Variants in PLEKHM1 observed in about 807,000 individuals in gnomAD.
PLEKHM1 encodes the protein pleckstrin homology and RUN domain containing M1.
A neutral mutation model predicts 94.3 loss-of-function variants in PLEKHM1; 28 were observed. The observed-to-expected ratio is 0.30, with a 90% CI of 0.22 to 0.41. The LOEUF is 0.41. PLEKHM1 is among the 10% of genes least tolerant of loss of function. The probability of loss-of-function intolerance (pLI) is 1.00; values close to 1 mark genes in which losing one functional copy is unlikely to be tolerated. For synonymous variants in PLEKHM1, 424 were observed against 581.2 expected, an observed-to-expected ratio of 0.73 and a Z score of 3.89; for missense variants, 907 against 1,358.6, an observed-to-expected ratio of 0.67 and a Z score of 5.22.
chr17:45,477,910 C>T lies in PLEKHM1; in HGVS notation c.286G>A (p.Val96Ile). 1 of 1,614,008 alleles carries T rather than the reference C, an allele frequency of 6.2e-7. No homozygotes were observed. Among genetic ancestry groups the T allele is most frequent in the Non-Finnish European group, 8.5e-7 (1 of 1,179,978 alleles). ...CCAGCTAAATCTCACTTGTGGGTGA[C>T]AGCTTTCAGGAGGGGCCAGAAGACA... ...QPVFWPLLKA[V>I]THKHIISELE... The change falls in exon 3 of 12, where the codon GTC (valine) becomes ATC (isoleucine). Residue 96 changes from valine (V) to isoleucine (I), a missense_variant. Around this residue, in one of 3 missense-constraint regions of PLEKHM1, gnomAD observed 176 missense variants for 306.0 expected, o/e 0.58. Transcript: ENST00000430334.
At chr17:45,452,227 G>C (rs908037434) in intron 7 of PLEKHM1, among the ~76,000 whole-genome samples, 28 of 151,638 alleles carry the variant, frequency 1.8e-4, no homozygotes, top group Admixed American at 1.4e-3. Context: ...TAAGACCCTA[G>C]AGGGATGCCC....
intron 6 of PLEKHM1, among the ~76,000 whole-genome samples, chr17:45,455,702 C>T (rs377448984): frequency 1.5e-4 from 23 of 152,284 alleles, no homozygotes; most frequent in Middle Eastern, 3.4e-3. Flanking sequence ...CCGGAATCCC[C>T]GCCTCTCCCC....
At chr17:45,483,982 A>G (rs1276909733) in intron 1 of PLEKHM1, among the ~76,000 whole-genome samples, 1 of 152,242 alleles carries the variant, frequency 6.6e-6, no homozygotes, top group Non-Finnish European at 1.5e-5. Flanking sequence ...AGTTCAGGCC[A>G]TGACACGAAG....
Position 45,468,252 on chromosome 17 carries a change from T to C in PLEKHM1, c.1265A>G (p.Asp422Gly), listed in dbSNP as rs755214534. The change falls in exon 5 of 12, where the codon GAC (aspartate) becomes GGC (glycine). Residue 422 changes from aspartate to glycine, a missense_variant. Physicochemically the swap from Asp to Gly is moderately conservative, Grantham distance 94. Around this residue, in one of 3 missense-constraint regions of PLEKHM1, gnomAD observed 477 missense variants for 601.5 expected, o/e 0.79. Coordinates refer to ENST00000430334, the MANE Select transcript of PLEKHM1 (RefSeq NM_014798.3). ...AACTACCAGCTTCAGACCAGCTCCG[T>C]CATGAGCCTGGGCCTTCTGCAGGCC... Reference protein sequence around the residue: ...GNGLQKAQAHDGAGLKLVVSS... With the variant: ...GNGLQKAQAHGGAGLKLVVSS... 1.9e-6 allele frequency: 3 copies of C among 1,613,096 alleles called. No homozygotes were observed. Among genetic ancestry groups the C allele is most frequent in the Admixed American group, 3.3e-5 (2 of 59,950 alleles).
At position 45,450,721 on chromosome 17, in the gene PLEKHM1, A is replaced by G; in HGVS notation, c.2540T>C (p.Leu847Pro). The change falls in exon 8 of 12, where the codon CTC (leucine) becomes CCC (proline). Residue 847 changes from leucine to proline, a missense_variant. This residue lies in a region of PLEKHM1 where 254 missense variants were observed against 451.1 expected (regional missense o/e 0.56). Coordinates refer to ENST00000430334, the MANE Select transcript of PLEKHM1 (RefSeq NM_014798.3). ...GTAATAGAGGCCAGAGAAGGCACAG[A>G]GCTTGGGTCGTACAAAGGAGAAGCC... ...QIGFSFVRPK[L>P]CAFSGLYYCD... 6.3e-7 allele frequency: 1 copy of G among 1,594,822 alleles called. No homozygotes were observed. Among genetic ancestry groups the G allele is most frequent in the Middle Eastern group, 2.1e-4 (1 of 4,750 alleles).
chr17:45,434,930 C>T (rs1457780402), downstream of PLEKHM1, among the ~76,000 whole-genome samples: 4 of 139,832 alleles, frequency 2.9e-5, no homozygotes, highest in African/African-American at 1.1e-4. Flanking sequence ...GATCACGCCA[C>T]TGCACTCCAG....
intron 6 of PLEKHM1, among the ~76,000 whole-genome samples, chr17:45,457,129 C>T (rs1208631903): frequency 6.7e-6 from 1 of 149,778 alleles, no homozygotes; most frequent in Admixed American, 6.7e-5. Flanking sequence ...TGAGATTATA[C>T]CACTGTACTC....
chr17:45,449,982 CACCT>C (rs956857491), intron 8 of PLEKHM1, among the ~76,000 whole-genome samples: 2 of 151,916 alleles, frequency 1.3e-5, no homozygotes, highest in Admixed American at 1.3e-4. Context: ...CCTGCTCATT[CACCT>C]ACCTACCTAC....
chr17:45,453,833 G>C lies in PLEKHM1; in HGVS notation c.2019C>G (p.Asp673Glu). ...GCTCTGGAACCTGGGCGGACGACCAGTCAAACTGTGTGCCCTGGAGGGCCG... is the reference window on the plus strand; with the variant it reads ...GCTCTGGAACCTGGGCGGACGACCACTCAAACTGTGTGCCCTGGAGGGCCG... ...EPAALQGTQF[D>E]WSSAQVPEPD... The change falls in exon 7 of 12, where the codon GAC becomes GAG. Residue 673 changes from aspartate (D) to glutamate (E), a missense_variant. By Grantham distance (45) the Asp-to-Glu change is conservative (BLOSUM62 2). This residue lies in a region of PLEKHM1 where 477 missense variants were observed against 601.5 expected (regional missense o/e 0.79). Coordinates refer to ENST00000430334, the MANE Select transcript of PLEKHM1 (RefSeq NM_014798.3). This position sits in a 1 kb window ranked among gnomAD's most constrained non-coding sequence, Gnocchi z 4.1. 1 of 1,614,004 alleles carries C rather than the reference G, an allele frequency of 6.2e-7. No individual in the cohort carries two copies. Among genetic ancestry groups the C allele is most frequent in the Middle Eastern group, 1.7e-4 (1 of 6,056 alleles).
chr17:45,438,066 C>G (rs1349516602), intron 11 of PLEKHM1, 97 bp from the exon 12 acceptor site: 1 of 837,138 alleles, frequency 1.2e-6, no homozygotes, highest in African/African-American at 1.7e-5. Context: ...CACGATACGG[C>G]TGTGATGTAC....
chr17:45,475,954 C>G, intron 3 of PLEKHM1: 1 of 611,482 alleles, frequency 1.6e-6, no homozygotes, highest in South Asian at 1.9e-5. Flanking sequence ...TCGTGACCAG[C>G]CTGGGCAACA....
intron 6 of PLEKHM1, chr17:45,454,757 T>G: frequency 3.9e-6 from 1 of 257,950 alleles, no homozygotes. Flanking sequence ...GAAACACCTC[T>G]CGTCTCCATG....
Position 45,458,360 on chromosome 17 carries a change from G to A in PLEKHM1, c.1388C>T (p.Pro463Leu), listed in dbSNP as rs1282474143. Residue 463 changes from proline (P) to leucine (L), a missense_variant, in exon 6 of 12, where the codon CCA becomes CTA. By Grantham distance (98) the Pro-to-Leu change is moderately conservative (BLOSUM62 -3). Around this residue, in one of 3 missense-constraint regions of PLEKHM1, gnomAD observed 477 missense variants for 601.5 expected, o/e 0.79. Transcript: ENST00000430334. ...EQPLESASDH[P>L]IASYRGTPGS... ...TGGAGTCCCCCTGTAAGAAGCTATT[G>A]GGTGGTCTGAAGCACTCTCCAGGGG... is the stretch of plus-strand genomic sequence containing the variant. The A allele has an allele frequency of 6.2e-7, 1 of 1,613,798 alleles. No homozygotes were observed. Among genetic ancestry groups the A allele is most frequent in the Non-Finnish European group, 8.5e-7 (1 of 1,179,800 alleles).
At chr17:45,473,818 A>G (rs940945057) in intron 4 of PLEKHM1, among the ~76,000 whole-genome samples, 3 of 152,084 alleles carry the variant, frequency 2.0e-5, no homozygotes, top group Admixed American at 2.0e-4. Flanking sequence ...TCGGCCTCCC[A>G]AAGTGCTGGG....
chr17:45,439,457 T>C lies in PLEKHM1; in HGVS notation c.3059+20A>G. ...GGGAAGGGTGGGGCTGGAAGGCGGC[T>C]GGCTGGGTGTCCCGCATACCTGACT... is the stretch of plus-strand genomic sequence containing the variant. On this transcript the variant is annotated intron_variant, in intron 11 of 11. Coordinates refer to ENST00000430334, the MANE Select transcript of PLEKHM1 (RefSeq NM_014798.3). 1 of 1,613,976 alleles carries C rather than the reference T, an allele frequency of 6.2e-7. No individual in the cohort carries two copies. The highest frequency in any genetic ancestry group is 8.5e-7 in the Non-Finnish European group (1 of 1,179,930).
At chr17:45,469,431 C>T (rs2051426817) in intron 4 of PLEKHM1, among the ~76,000 whole-genome samples, 1 of 152,170 alleles carries the variant, frequency 6.6e-6, no homozygotes, top group Non-Finnish European at 1.5e-5. Flanking sequence ...AGCAACTGCT[C>T]CTCCCTCTCC....
At chr17:45,446,978 C>G (rs1028590634) in intron 8 of PLEKHM1, among the ~76,000 whole-genome samples, 39 of 152,168 alleles carry the variant, frequency 2.6e-4, no homozygotes, top group Non-Finnish European at 4.9e-4. Flanking sequence ...GTGCTTTGGC[C>G]CGGCACTCGG....
At chr17:45,450,377 A>G (rs1392831550) in intron 8 of PLEKHM1, among the ~76,000 whole-genome samples, 1 of 152,226 alleles carries the variant, frequency 6.6e-6, no homozygotes, top group African/African-American at 2.4e-5. Flanking sequence ...GCAGGAAACC[A>G]TCCTCAAACT....
Position 45,458,210 on chromosome 17 carries a change from TG to T in PLEKHM1, c.1537del (p.Gln513ArgfsTer24), listed in dbSNP as rs1237179254. The part of the protein sequence containing the change: ...GRRQAQAAPS[Q>X]GHKSFRVVHR... ...TACCACCCGGAAGCTCTTATGCCCC[TG>T]GGATGGGGCTGCCTGGGCTTGCCTT... On this transcript the variant is annotated frameshift_variant, in exon 6 of 12. Transcript: ENST00000430334. LOFTEE classifies it high-confidence loss of function. 6.2e-7 allele frequency: 1 copy of T among 1,613,610 alleles called. No individual in the cohort carries two copies.
Sources: allele counts gnomAD v4.1 joint callset (sites outside exome capture counted in the v4.1 genomes callset), GRCh38; gene constraint gnomAD v4.1.1; regional missense constraint gnomAD v4.1.1; non-coding constraint Gnocchi (gnomAD v3.1); transcripts MANE v1.5; gene names NCBI Gene and HGNC (gene_info 2026-07-23, HGNC 2026-07-21).